The following KIF27 variants were observed in gnomAD, a reference collection of about 807,000 sequenced individuals.
KIF27 encodes the protein kinesin-like protein KIF27.
Under a neutral mutation model 141.8 loss-of-function variants are expected in KIF27, and 84 were observed. The observed-to-expected ratio is 0.59, with a 90% CI of 0.50 to 0.71. The LOEUF is 0.71. KIF27 is among the 30% of genes least tolerant of loss of function. The probability of loss-of-function intolerance (pLI) is 0.00; values close to 1 mark genes in which losing one functional copy is unlikely to be tolerated. For synonymous variants in KIF27, 471 were observed against 569.5 expected, an observed-to-expected ratio of 0.83 and a Z score of 2.46; for missense variants, 1,306 against 1,628.4, an observed-to-expected ratio of 0.80 and a Z score of 3.41.
At chr9:83,894,085 A>C (rs1952937364) in intron 5 of KIF27, among the ~76,000 whole-genome samples, 1 of 152,228 alleles carries the variant, frequency 6.6e-6, no homozygotes, top group Non-Finnish European at 1.5e-5. Flanking sequence ...AGGAAAAGAA[A>C]ATACTAATAT....
intron 14 of KIF27, among the ~76,000 whole-genome samples, chr9:83,854,235 C>T (rs1407843545): frequency 6.6e-6 from 1 of 152,124 alleles, no homozygotes; most frequent in Non-Finnish European, 1.5e-5. Flanking sequence ...CTCCATAACC[C>T]CTAAAGTGCA....
intron 16 of KIF27, among the ~76,000 whole-genome samples, chr9:83,844,994 A>G (rs150809188): frequency 1.7e-3 from 254 of 152,308 alleles, no homozygotes; most frequent in African/African-American, 5.8e-3. Flanking sequence ...TGGGGTCCAC[A>G]ACAGGAGAAG....
intron 14 of KIF27, chr9:83,858,328 A>G (rs1490918493): frequency 6.6e-6 from 1 of 152,140 alleles, no homozygotes; most frequent in Non-Finnish European, 1.5e-5. Context: ...ACTTCCTGTC[A>G]CTTGCTCCAA....
intron 17 of KIF27, among the ~76,000 whole-genome samples, chr9:83,841,902 T>C (rs1946615950): frequency 1.3e-5 from 2 of 152,162 alleles, no homozygotes; most frequent in African/African-American, 2.4e-5. Flanking sequence ...ACATCTTTTT[T>C]TGTGATAATC....
In KIF27 at chr9:83,870,547, C is replaced by T; in HGVS notation, c.2729G>A (p.Gly910Asp). 3.1e-6 allele frequency: 5 copies of T among 1,613,804 alleles called. No individual in the cohort carries two copies. Among genetic ancestry groups the T allele is most frequent in the Non-Finnish European group, 4.2e-6 (5 of 1,179,834 alleles). The change falls in exon 12 of 18, where the codon GGT becomes GAT. Residue 910 changes from glycine (G) to aspartate (D), a missense_variant. Gly to Asp is a moderately conservative substitution (Grantham distance 94, BLOSUM62 -1). Coordinates refer to ENST00000297814, the MANE Select transcript of KIF27 (RefSeq NM_017576.4). ...GAGATGGTCTATACTTCCAAACGAACCTTTTCTCCTTTTCAAGTTACATGC... is the reference window on the plus strand; with the variant it reads ...GAGATGGTCTATACTTCCAAACGAATCTTTTCTCCTTTTCAAGTTACATGC... ...LDACNLKRRK[G>D]SFGSIDHLQK...
intron 16 of KIF27, among the ~76,000 whole-genome samples, chr9:83,846,150 A>C (rs537377948): frequency 5.5e-4 from 84 of 152,194 alleles, no homozygotes; most frequent in Non-Finnish European, 1.0e-3. Flanking sequence ...ACCAACACTG[A>C]GCCCTCAATA....
At chr9:83,880,228 A>G (rs1157192544) in intron 11 of KIF27, 69 bp downstream of exon 11, 2 of 1,602,448 alleles carry the variant, frequency 1.2e-6, no homozygotes, top group African/African-American at 2.7e-5. Context: ...AATGAAGACC[A>G]TGGATTCGTT....
chr9:83,870,905 T>G (rs1405066581), intron 11 of KIF27, among the ~76,000 whole-genome samples: 1 of 151,966 alleles, frequency 6.6e-6, no homozygotes, highest in Non-Finnish European at 1.5e-5. Context: ...AATGTGTGGA[T>G]TTTTTTGTTT....
At chr9:83,859,429 T>C (rs1455946647) in intron 13 of KIF27, 58 bp from the exon 14 acceptor site, 22 of 1,170,196 alleles carry the variant, frequency 1.9e-5, no homozygotes, top group East Asian at 2.4e-5. Flanking sequence ...CTAGACTGCA[T>C]AAAAATTAGG....
At chr9:83,865,836 GA>G (rs1259972634) in intron 13 of KIF27, among the ~76,000 whole-genome samples, 1 of 152,144 alleles carries the variant, frequency 6.6e-6, no homozygotes, top group African/African-American at 2.4e-5. Context: ...TCGAAAAGCA[GA>G]TAAGATTTGT....
chr9:83,861,353 C>T (rs898871463), intron 13 of KIF27, among the ~76,000 whole-genome samples: 8 of 151,786 alleles, frequency 5.3e-5, no homozygotes, highest in African/African-American at 9.7e-5. Context: ...CAACAGGCCC[C>T]GGTGTGTGAT....
chr9:83,850,062 A>T (rs758666146), intron 16 of KIF27, 37 bp downstream of exon 16: 66 of 1,544,150 alleles, frequency 4.3e-5, no homozygotes, highest in South Asian at 3.7e-4. Flanking sequence ...CCACACCTAC[A>T]CATCAACCTT....
intron 5 of KIF27, among the ~76,000 whole-genome samples, chr9:83,894,140 A>AT (rs369078418): frequency 2.6e-5 from 4 of 152,240 alleles, no homozygotes; most frequent in Admixed American, 6.5e-5. Context: ...TTCCAGTCCC[A>AT]AATGCTTAAC....
At chr9:83,852,149 G>C (rs1948668623) in intron 15 of KIF27, among the ~76,000 whole-genome samples, 1 of 146,790 alleles carries the variant, frequency 6.8e-6, no homozygotes, top group Non-Finnish European at 1.5e-5. Context: ...ACAGCATAAA[G>C]AGTTATCTCT....
In KIF27 at chr9:83,834,854, TATG is replaced by T. The variant is rs994674514; in HGVS notation, c.*2144_*2146del. Reference sequence around the variant, plus strand: ...TATAATGATATATCATGATATAAAATATGATATGAAATAATATAAAGTGAAATA... The same window carrying T: ...TATAATGATATATCATGATATAAAATATATGAAATAATATAAAGTGAAATA... On this transcript the variant is annotated 3_prime_UTR_variant, in exon 18 of 18. Transcript: ENST00000297814. 4.2e-4 allele frequency among the ~76,000 whole-genome samples: 62 copies of T among 147,982 alleles called. No homozygotes were observed. The highest frequency in any genetic ancestry group is 1.4e-3 in the African/African-American group (54 of 39,564).
At chr9:83,889,687 G>A (rs1177108276) in intron 6 of KIF27, among the ~76,000 whole-genome samples, 1 of 151,470 alleles carries the variant, frequency 6.6e-6, no homozygotes, top group Admixed American at 6.6e-5. Flanking sequence ...CCTACCACAG[G>A]AAGAAACCCA....
At chr9:83,921,259 A>G (rs1043259747) in intron 1 of KIF27, 112 bp downstream of exon 1, 2 of 152,142 alleles carry the variant, frequency 1.3e-5, no homozygotes, top group African/African-American at 2.4e-5. Context: ...ACTAGTCCCA[A>G]CGGCCGGCTG....
intron 11 of KIF27, among the ~76,000 whole-genome samples, chr9:83,872,538 ACT>A (rs1407131303): frequency 1.3e-5 from 2 of 152,158 alleles, no homozygotes; most frequent in East Asian, 1.9e-4. Flanking sequence ...ATGTCTGATG[ACT>A]CTAACAATTT....
intron 14 of KIF27, among the ~76,000 whole-genome samples, chr9:83,856,753 A>AG (rs1311076613): frequency 6.6e-6 from 1 of 150,428 alleles, no homozygotes; most frequent in East Asian, 2.0e-4. Flanking sequence ...AAAAAAAAAA[A>AG]AAAAAAATTA....
Sources: gnomAD v4.1 joint callset for allele counts (sites outside exome capture counted in the v4.1 genomes callset) on GRCh38, gnomAD v4.1.1 for gene constraint, MANE v1.5 for transcripts, NCBI Gene and HGNC (gene_info 2026-07-23, HGNC 2026-07-21) for gene names.